The following TTN variants were observed in gnomAD, a reference collection of about 807,000 sequenced individuals.
TTN encodes the protein titin.
Under a neutral mutation model 3,223.0 loss-of-function variants are expected in TTN, and 1,525 were observed. That is an observed-to-expected ratio of 0.47 (90% confidence interval 0.45 to 0.49). The LOEUF (loss-of-function observed/expected upper bound fraction) is 0.49, where lower values mean the gene tolerates loss of function less well. Ranked by LOEUF, TTN falls within the 20% of genes least tolerant of loss-of-function variation. The probability of loss-of-function intolerance (pLI) is 0.00; values close to 1 mark genes in which losing one functional copy is unlikely to be tolerated. For missense variants in TTN, 40,786 were observed against 43,424.0 expected, an observed-to-expected ratio of 0.94 and a Z score of 5.40; for synonymous variants, 14,094 against 15,161.0, an observed-to-expected ratio of 0.93 and a Z score of 5.17.
rs769515743 is a variant in TTN at position 178,572,039 on chromosome 2, C to A, written c.74093G>T (p.Ser24698Ile). ...TGGCACACTCAGTTGTCTAGGATCA[C>A]TGATGCCCTTTTCATTCTGAGCTGA... The part of the protein sequence containing the change: ...RVSAQNEKGI[S>I]DPRQLSVPVI... The change falls in exon 326 of 363, where the codon AGT (serine) becomes ATT (isoleucine). Residue 24698 changes from serine to isoleucine, a missense_variant. By Grantham distance (142) the Ser-to-Ile change is moderately radical (BLOSUM62 -2). Transcript: ENST00000589042. 1.2e-6 allele frequency: 2 copies of A among 1,613,290 alleles called. No homozygotes were observed. Among genetic ancestry groups the A allele is most frequent in the Non-Finnish European group, 1.7e-6 (2 of 1,179,584 alleles).
chr2:178,789,614 G>C, intron 12 of TTN, 117 bp from the exon 13 acceptor site: 1 of 1,361,062 alleles, frequency 7.3e-7, no homozygotes, highest in South Asian at 1.2e-5. Flanking sequence ...AAATACACAA[G>C]AGAAATAAAC....
intron 323 of TTN, 38 bp downstream of exon 323, chr2:178,577,564 T>TA: frequency 6.4e-7 from 1 of 1,550,554 alleles, no homozygotes; most frequent in South Asian, 1.3e-5. Flanking sequence ...TTAATTTGCT[T>TA]TAAAAAAAAA....
intron 24 of TTN, chr2:178,778,466 T>G (rs1205019394): frequency 3.3e-6 from 1 of 306,094 alleles, no homozygotes; most frequent in African/African-American, 2.2e-5. Context: ...CAGACTGACT[T>G]GGAGTTTGAA....
chr2:178,702,547 G>C lies in TTN; in HGVS notation c.30340C>G (p.Pro10114Ala). 1.2e-6 allele frequency: 2 copies of C among 1,613,880 alleles called. No individual in the cohort carries two copies. Among genetic ancestry groups the C allele is most frequent in the Middle Eastern group, 1.6e-4 (1 of 6,062 alleles). The change falls in exon 107 of 363, where the codon CCA (proline) becomes GCA (alanine). Residue 10114 changes from proline to alanine, a missense_variant. Physicochemically the swap from Pro to Ala is conservative, Grantham distance 27. Transcript: ENST00000589042. ...DDAIVTWYKG[P>A]TELTESQKYN... is the part of the protein sequence containing the mutation. Reference sequence around the variant, plus strand: ...TTCTGGCTCTCTGTCAGTTCTGTTGGTCCTTTGTACCATGTTACAATGGCA... The same window carrying C: ...TTCTGGCTCTCTGTCAGTTCTGTTGCTCCTTTGTACCATGTTACAATGGCA...
chr2:178,612,437 T>A lies in TTN; in HGVS notation c.50088A>T (p.Lys16696Asn), dbSNP rs745412383. 1 of 1,612,456 alleles carries A rather than the reference T, an allele frequency of 6.2e-7. No homozygotes were observed. Among genetic ancestry groups the A allele is most frequent in the Non-Finnish European group, 8.5e-7 (1 of 1,179,158 alleles). The change falls in exon 266 of 363, where the codon AAA becomes AAT. Residue 16696 changes from lysine (K) to asparagine (N), a missense_variant. Coordinates refer to ENST00000589042, the MANE Select transcript of TTN (RefSeq NM_001267550.2). Reference sequence around the variant, plus strand: ...CAGTGGTATCCACTGTTTGCCAGCCTTTTCGCCTGACGTCTCTCTTTTCCA... The same window carrying A: ...CAGTGGTATCCACTGTTTGCCAGCCATTTCGCCTGACGTCTCTCTTTTCCA... Reference protein sequence around the residue: ...YIVEKRDVRRKGWQTVDTTVK... With the variant: ...YIVEKRDVRRNGWQTVDTTVK...
chr2:178,532,362 G>A lies in TTN; in HGVS notation c.104253C>T (p.Ala34751=). The A allele has an allele frequency of 6.2e-7, 1 of 1,613,946 alleles. No individual in the cohort carries two copies. Among genetic ancestry groups the A allele is most frequent in the Non-Finnish European group, 8.5e-7 (1 of 1,179,876 alleles). Residue 34751 remains alanine (A), a synonymous_variant, in exon 358 of 363, where the codon GCC becomes GCT. Coordinates refer to ENST00000589042, the MANE Select transcript of TTN (RefSeq NM_001267550.2). ...GCTTTGGCTGTCTGTACGCAGCCTG[G>A]GCATGCCGTTCCCTCAGTTCTGCAT... ...TSYAELRERH[A]QAAYRQPKQR... is the part of the protein sequence containing the mutation.
In TTN at chr2:178,612,437, T is replaced by C. The variant is rs745412383; in HGVS notation, c.50088A>G (p.Lys16696=). The C allele has an allele frequency of 6.2e-7, 1 of 1,612,456 alleles. No individual in the cohort carries two copies. The highest frequency in any genetic ancestry group is 8.5e-7 in the Non-Finnish European group (1 of 1,179,158). Reference sequence around the variant, plus strand: ...CAGTGGTATCCACTGTTTGCCAGCCTTTTCGCCTGACGTCTCTCTTTTCCA... The same window carrying C: ...CAGTGGTATCCACTGTTTGCCAGCCCTTTCGCCTGACGTCTCTCTTTTCCA... ...YIVEKRDVRR[K]GWQTVDTTVK... is the part of the protein sequence containing the mutation. Residue 16696 remains lysine (K), a synonymous_variant, in exon 266 of 363, where the codon AAA becomes AAG. Coordinates refer to ENST00000589042, the MANE Select transcript of TTN (RefSeq NM_001267550.2).
intron 15 of TTN, 129 bp downstream of exon 15, chr2:178,785,491 T>G: frequency 7.2e-7 from 1 of 1,380,786 alleles, no homozygotes; most frequent in Non-Finnish European, 1.0e-6. Context: ...CCACTGTGAA[T>G]GCAAACACAC....
In TTN at chr2:178,548,564, C is replaced by T. The variant is rs1283096478; in HGVS notation, c.93062G>A (p.Gly31021Asp). The change falls in exon 339 of 363, where the codon GGC becomes GAC. Residue 31021 changes from glycine to aspartate, a missense_variant. Transcript: ENST00000589042. The surrounding 1 kb of genome is among the most constrained non-coding windows in gnomAD (Gnocchi z 4.3). ...GGTCACATCTTTGAAGGTAATTGGG[C>T]CAGGTGGGCCTGGAGTGTCTAGCAC... is the stretch of plus-strand genomic sequence containing the variant. ...VKVLDTPGPPGPITFKDVTRG... is the reference protein window; with the variant it reads ...VKVLDTPGPPDPITFKDVTRG... The T allele has an allele frequency of 6.2e-7, 1 of 1,613,804 alleles. No homozygotes were observed. The highest frequency in any genetic ancestry group is 2.2e-5 in the East Asian group (1 of 44,872).
Position 178,613,745 on chromosome 2 carries a change from G to T in TTN, c.49532+6C>A. 1 of 1,610,924 alleles carries T rather than the reference G, an allele frequency of 6.2e-7. No homozygotes were observed. Among genetic ancestry groups the T allele is most frequent in the Non-Finnish European group, 8.5e-7 (1 of 1,178,372 alleles). On this transcript the variant is annotated splice_donor_region_variant and intron_variant, in intron 263 of 362. Transcript: ENST00000589042. Reference sequence around the variant, plus strand: ...CTTAACATCTTGATGGGGATTCTGAGCATACCTGTATGTTGTGTCCTTTAC... The same window carrying T: ...CTTAACATCTTGATGGGGATTCTGATCATACCTGTATGTTGTGTCCTTTAC...
At position 178,804,558 on chromosome 2, in the gene TTN, T is replaced by A; in HGVS notation, c.85A>T (p.Ile29Phe). The A allele has an allele frequency of 1.2e-6, 2 of 1,613,874 alleles. No individual in the cohort carries two copies. Among genetic ancestry groups the A allele is most frequent in the Non-Finnish European group, 1.7e-6 (2 of 1,179,902 alleles). ...TGTGAATGTGTGAGCTTACCACTAA[T>A]GTGAGCCTCAAAGGTTGCGGTACTA... The part of the protein sequence containing the change: ...EGSTATFEAH[I>F]SGFPVPEVSW... The change falls in exon 2 of 363, where the codon ATT (isoleucine) becomes TTT (phenylalanine). Residue 29 changes from isoleucine to phenylalanine, a missense_variant. Ile to Phe is a conservative substitution (Grantham distance 21). Transcript: ENST00000589042.
At chr2:178,690,462 C>A (rs1341929954) in intron 121 of TTN, among the ~76,000 whole-genome samples, 2 of 152,122 alleles carry the variant, frequency 1.3e-5, no homozygotes, top group Non-Finnish European at 2.9e-5. Flanking sequence ...AATGACTTTA[C>A]AGAGCTTTGT....
Position 178,582,920 on chromosome 2 carries a change from C to T in TTN, c.65863+20G>A. 6.8e-7 allele frequency: 1 copy of T among 1,467,268 alleles called. No homozygotes were observed. The highest frequency in any genetic ancestry group is 9.0e-7 in the Non-Finnish European group (1 of 1,107,178). 90.9% of individuals were successfully genotyped at this position (1,467,268 alleles called of 1,614,324 possible). On this transcript the variant is annotated intron_variant, in intron 313 of 362. Transcript: ENST00000589042. ...TTATCCAAAGTAAAATATGGGATTC[C>T]AATGAAGTTTATTAGTTACCTAACA...
chr2:178,621,436 T>C (rs1013932284), intron 245 of TTN, 39 bp downstream of exon 245: 3 of 1,585,158 alleles, frequency 1.9e-6, no homozygotes, highest in African/African-American at 2.8e-5. Context: ...CAAGTGTGAA[T>C]TGTTAGAAAT....
chr2:178,711,801 T>G (rs2076699086), intron 96 of TTN, 143 bp downstream of exon 96: 1 of 866,080 alleles, frequency 1.2e-6, no homozygotes, highest in Non-Finnish European at 1.7e-6. Context: ...TAGAAAAAGA[T>G]AAGCCACTAA....
Position 178,563,438 on chromosome 2 carries a change from C to T in TTN, c.82694G>A (p.Cys27565Tyr), listed in dbSNP as rs1408346565. ...GGGACCTGGTGGATACAAGGCATCA[C>T]ACGCACGGTAGAAAACAGATGGCTC... The part of the protein sequence containing the change: ...PSEPSVFYRA[C>Y]DALYPPGPPS... Residue 27565 changes from cysteine (C) to tyrosine (Y), a missense_variant, in exon 326 of 363, where the codon TGT becomes TAT. Physicochemically the swap from Cys to Tyr is radical, Grantham distance 194. Transcript: ENST00000589042. This position sits in a 1 kb window ranked among gnomAD's most constrained non-coding sequence, Gnocchi z 4.5. The T allele has an allele frequency of 6.2e-7, 1 of 1,613,654 alleles. No homozygotes were observed. Among genetic ancestry groups the T allele is most frequent in the Non-Finnish European group, 8.5e-7 (1 of 1,179,750 alleles).
rs1190931886 is a variant in TTN, at chr2:178,624,796, C to T, written c.44549-65G>A. ...TTCTCCAAGAGTTTTGGTACCTTCT[C>T]AACTTTCCCCTGCCATCTCCAGGGC... On this transcript the variant is annotated intron_variant, in intron 241 of 362. Coordinates refer to ENST00000589042, the MANE Select transcript of TTN (RefSeq NM_001267550.2). 5 of 1,569,710 alleles carry T rather than the reference C, an allele frequency of 3.2e-6. No homozygotes were observed. In the African/African-American group the frequency reaches 4.1e-5, roughly 13 times the overall value.
In TTN at chr2:178,735,055, T is replaced by C. The variant is rs567599715; in HGVS notation, c.14936-67A>G. The C allele has an allele frequency of 2.8e-6, 4 of 1,450,748 alleles. No homozygotes were observed. In the South Asian group the frequency reaches 4.5e-5, roughly 16 times the overall value. The allele number at this position is 1,450,748 out of a possible 1,614,324, so 89.9% of individuals were successfully genotyped here. A position where few individuals can be genotyped will look rare whatever the true frequency, so the allele number is the denominator to read the frequency against. On this transcript the variant is annotated intron_variant, in intron 50 of 362. Transcript: ENST00000589042. The stretch of plus-strand genomic sequence containing the variant: ...AAACATAAACTCCGCAAAAGAAAAG[T>C]AGACATATACAACAAAGAGACCCAA...
At position 178,632,364 on chromosome 2, in the gene TTN, C is replaced by A; in HGVS notation, c.43530G>T (p.Glu14510Asp). ...CCACAGTAAATACAGCACTTTCCTT[C>A]TCTTTGGCAGTTACATCTTTGAGAG... is the stretch of plus-strand genomic sequence containing the variant. ...LTPLKDVTAKEKESAVFTVEL... is the reference protein window; with the variant it reads ...LTPLKDVTAKDKESAVFTVEL... The change falls in exon 236 of 363, where the codon GAG becomes GAT. Residue 14510 changes from glutamate to aspartate, a missense_variant. Coordinates refer to ENST00000589042, the MANE Select transcript of TTN (RefSeq NM_001267550.2). 6.2e-7 allele frequency: 1 copy of A among 1,603,636 alleles called. No individual in the cohort carries two copies. Among genetic ancestry groups the A allele is most frequent in the Non-Finnish European group, 8.5e-7 (1 of 1,174,770 alleles).
Sources: gnomAD v4.1 joint callset for allele counts (sites outside exome capture counted in the v4.1 genomes callset) on GRCh38, gnomAD v4.1.1 for gene constraint, Gnocchi (gnomAD v3.1) non-coding constraint, MANE v1.5 for transcripts, NCBI Gene and HGNC (gene_info 2026-07-23, HGNC 2026-07-21) for gene names.